Variants in RPS6KA2 observed in about 807,000 individuals in gnomAD.
RPS6KA2 encodes ribosomal protein S6 kinase A2.
RPS6KA2 carries 42 observed loss-of-function variants against 91.8 expected under a neutral mutation model. That is an observed-to-expected ratio of 0.46 (90% CI 0.36 to 0.59). The LOEUF is 0.59. Ranked by LOEUF, RPS6KA2 falls within the 20% of genes least tolerant of loss-of-function variation. RPS6KA2 has a pLI of 0.00. For synonymous variants in RPS6KA2, 414 were observed against 393.6 expected (o/e 1.05, Z -0.61); for missense variants, 798 against 978.5 (o/e 0.82, Z 2.46).
At chr6:166,682,409 C>T (rs1788852550) in intron 2 of RPS6KA2, among the ~76,000 whole-genome samples, 1 of 152,174 alleles carries the variant, frequency 6.6e-6, no homozygotes, top group African/African-American at 2.4e-5. Context: ...CTTTTCCCTA[C>T]TTCATCGGAG....
At position 166,457,522 on chromosome 6, in the gene RPS6KA2, C is replaced by T. The variant is rs115234114; in HGVS notation, c.1075+1927G>A. 9.1e-3 allele frequency among the ~76,000 whole-genome samples: 1,387 copies of T among 152,292 alleles called. 27 individuals are homozygous for T. Among genetic ancestry groups the T allele is most frequent in the African/African-American group, 0.032 (1,316 of 41,544 alleles). The stretch of plus-strand genomic sequence containing the variant: ...AAGGCAGCCTCATTACATCATGAAT[C>T]AGTGATGAACCAAAGCTATAATGAT... On this transcript the variant is annotated intron_variant, in intron 12 of 20. Coordinates refer to ENST00000265678, the MANE Select transcript of RPS6KA2 (RefSeq NM_021135.6).
intron 2 of RPS6KA2, among the ~76,000 whole-genome samples, chr6:166,855,100 T>C (rs1213104996): frequency 2.0e-5 from 3 of 152,210 alleles, no homozygotes; most frequent in African/African-American, 4.8e-5. Context: ...AAATGCCGCA[T>C]GTTCTCACTT....
chr6:166,548,861 G>T lies in RPS6KA2; in HGVS notation c.100-10077C>A, dbSNP rs146691865. Among the ~76,000 whole-genome samples the T allele has an allele frequency of 3.3e-4, 50 of 152,310 alleles. 1 individual carries two copies. In the East Asian group the frequency reaches 9.0e-3, roughly 28 times the overall value. The stretch of plus-strand genomic sequence containing the variant: ...AACTTCATCAAAATTTAAAGCTTTT[G>T]CTTTGCAAAGACTCTGTGAAGGAGA... On this transcript the variant is annotated intron_variant, in intron 1 of 20. Transcript: ENST00000265678.
intron 1 of RPS6KA2, among the ~76,000 whole-genome samples, chr6:166,542,697 G>A (rs967783168): frequency 2.6e-5 from 4 of 152,210 alleles, no homozygotes; most frequent in Admixed American, 1.3e-4. Flanking sequence ...TGCTGGGAGC[G>A]GCTGGGAAGT....
intron 2 of RPS6KA2, among the ~76,000 whole-genome samples, chr6:166,700,024 A>C (rs1047533478): frequency 6.6e-6 from 1 of 152,236 alleles, no homozygotes; most frequent in African/African-American, 2.4e-5. Flanking sequence ...ATCCTGTAAG[A>C]CAAGCTAAAG....
At chr6:166,447,569 G>A (rs1330592484) in intron 14 of RPS6KA2, among the ~76,000 whole-genome samples, 1 of 152,054 alleles carries the variant, frequency 6.6e-6, no homozygotes, top group Non-Finnish European at 1.5e-5. Context: ...GAATATGCTT[G>A]AGGATCCCAG....
intron 2 of RPS6KA2, among the ~76,000 whole-genome samples, chr6:166,801,936 G>C (rs1056005789): frequency 2.6e-5 from 4 of 152,012 alleles, no homozygotes; most frequent in Admixed American, 2.6e-4. Context: ...AAAAATCTGA[G>C]AGGAAAATTA....
At chr6:166,806,797 T>TA (rs1032779198) in intron 2 of RPS6KA2, among the ~76,000 whole-genome samples, 2 of 149,424 alleles carry the variant, frequency 1.3e-5, no homozygotes, top group South Asian at 4.2e-4. Flanking sequence ...ATTACTGCAT[T>TA]AAAAAAAAAA....
exon 1 of RPS6KA2, chr6:166,862,157 T>C (rs1280040970): frequency 6.2e-7 from 1 of 1,614,262 alleles, no homozygotes; most frequent in Non-Finnish European, 8.5e-7. Context: ...TTCCAGCAAC[T>C]GTGCGATTGG....
intron 8 of RPS6KA2, among the ~76,000 whole-genome samples, chr6:166,497,799 C>G (rs1430327166): frequency 6.6e-6 from 1 of 152,220 alleles, no homozygotes; most frequent in African/African-American, 2.4e-5. Flanking sequence ...CATCCCGTCT[C>G]CTAAAGTGCT....
chr6:166,807,944 C>A (rs1011214388), intron 2 of RPS6KA2, among the ~76,000 whole-genome samples: 1 of 152,036 alleles, frequency 6.6e-6, no homozygotes, highest in Non-Finnish European at 1.5e-5. Flanking sequence ...AATGAGGCAG[C>A]CCTGGGAGTG....
chr6:166,759,385 G>C (rs767307038), intron 2 of RPS6KA2, among the ~76,000 whole-genome samples: 2 of 152,140 alleles, frequency 1.3e-5, no homozygotes, highest in African/African-American at 2.4e-5. Flanking sequence ...AATAGAGCAC[G>C]GTTTGTTCAC....
intron 2 of RPS6KA2, among the ~76,000 whole-genome samples, chr6:166,843,087 G>C (rs558233813): frequency 2.6e-5 from 4 of 152,112 alleles, no homozygotes; most frequent in Non-Finnish European, 5.9e-5. Context: ...GGCTGCATGG[G>C]AGCAGGGTGA....
At chr6:166,682,608 G>A (rs908982800) in intron 2 of RPS6KA2, among the ~76,000 whole-genome samples, 3 of 152,180 alleles carry the variant, frequency 2.0e-5, no homozygotes, top group African/African-American at 7.2e-5. Flanking sequence ...ATTAGCTGTC[G>A]AATAAGTGGA....
chr6:166,663,039 C>G (rs990739871), intron 2 of RPS6KA2, among the ~76,000 whole-genome samples: 1 of 152,064 alleles, frequency 6.6e-6, no homozygotes, highest in Non-Finnish European at 1.5e-5. Context: ...GCCTCCAGAA[C>G]TGAGAGACAT....
rs946977736 is a variant in RPS6KA2, at chr6:166,793,109, C to T, written c.123+65091G>A. 9.8e-4 allele frequency among the ~76,000 whole-genome samples: 149 copies of T among 152,142 alleles called. 2 individuals are homozygous for T. In the South Asian group the frequency reaches 0.015, roughly 15 times the overall value. On this transcript the variant is annotated intron_variant, in intron 2 of 21. Transcript: ENST00000503859. ...ATGATTGTATATCTAGAAAACCCCA[C>T]TGTCTCAGCCCAAAATCTCCTTAAG...
intron 1 of RPS6KA2, among the ~76,000 whole-genome samples, chr6:166,572,401 T>C (rs1784715462): frequency 6.6e-6 from 1 of 152,196 alleles, no homozygotes; most frequent in Non-Finnish European, 1.5e-5. Flanking sequence ...AAACAGATAT[T>C]GGTTTAGGAA....
chr6:166,694,239 C>T (rs940610156), intron 2 of RPS6KA2, among the ~76,000 whole-genome samples: 8 of 152,226 alleles, frequency 5.3e-5, no homozygotes, highest in Non-Finnish European at 8.8e-5. Flanking sequence ...AACACAGGAA[C>T]CGGCTGCTTT....
intron 2 of RPS6KA2, among the ~76,000 whole-genome samples, chr6:166,808,532 G>C (rs1181388378): frequency 1.3e-5 from 2 of 152,170 alleles, no homozygotes; most frequent in African/African-American, 4.8e-5. Context: ...AGCAGGGCCT[G>C]GCTCATAGCA....
Sources: gnomAD v4.1 joint callset for allele counts (sites outside exome capture counted in the v4.1 genomes callset) on GRCh38, gnomAD v4.1.1 for gene constraint, MANE v1.5 for transcripts, NCBI Gene and HGNC (gene_info 2026-07-23, HGNC 2026-07-21) for gene names.